The following SPTA1 variants were observed in gnomAD, a reference collection of about 807,000 sequenced individuals.
SPTA1 encodes spectrin alpha, erythrocytic 1, also known as spectrin alpha chain, erythrocytic 1.
Under a neutral mutation model 324.7 loss-of-function variants are expected in SPTA1, and 177 were observed. The ratio of observed to expected loss-of-function variants is 0.55; its 90% CI spans 0.48 to 0.62. SPTA1 has a LOEUF of 0.62. Among genes scored for constraint, SPTA1 ranks in the 20% least tolerant of loss-of-function variants. The probability of loss-of-function intolerance (pLI) is 0.00; values close to 1 mark genes in which losing one functional copy is unlikely to be tolerated. For synonymous variants in SPTA1, 1,195 were observed against 1,041.3 expected (o/e 1.15, Z -2.84); for missense variants, 3,162 against 2,883.6 (o/e 1.10, Z -2.21).
intron 7 of SPTA1, 73 bp downstream of exon 7, chr1:158,677,617 G>T: frequency 6.3e-7 from 1 of 1,577,450 alleles, no homozygotes; most frequent in South Asian, 1.1e-5. Context: ...CTGGAGGCAC[G>T]GTAATAGGCA....
In SPTA1 at chr1:158,612,843, A is replaced by G; in HGVS notation, c.7108T>C (p.Tyr2370His). The G allele has an allele frequency of 6.2e-7, 1 of 1,613,952 alleles. No individual in the cohort carries two copies. Among genetic ancestry groups the G allele is most frequent in the African/African-American group, 1.3e-5 (1 of 75,042 alleles). Reference sequence around the variant, plus strand: ...TGCTTCATGTCTTCTTTGGTAATATATGACTTGCCCTCTGCCAGGGCTTGG... The same window carrying G: ...TGCTTCATGTCTTCTTTGGTAATATGTGACTTGCCCTCTGCCAGGGCTTGG... Reference protein sequence around the residue: ...AFQALAEGKSYITKEDMKQAL... With the variant: ...AFQALAEGKSHITKEDMKQAL... Residue 2370 changes from tyrosine (Y) to histidine (H), a missense_variant, in exon 51 of 52, where the codon TAT becomes CAT. Tyr to His is a moderately conservative substitution (Grantham distance 83). Coordinates refer to ENST00000643759, the MANE Select transcript of SPTA1 (RefSeq NM_003126.4).
intron 39 of SPTA1, among the ~76,000 whole-genome samples, chr1:158,629,187 C>CTATCTATCTA (rs1553225657): frequency 1.5e-3 from 229 of 148,248 alleles, no homozygotes; most frequent in South Asian, 2.6e-3. Flanking sequence ...CAAAATATAT[C>CTATCTATCTA]TCTATCTATC....
chr1:158,647,607 C>T lies in SPTA1; in HGVS notation c.3828G>A (p.Gly1276=), dbSNP rs372838864. The T allele has an allele frequency of 1.2e-5, 19 of 1,613,804 alleles. No homozygotes were observed. The highest frequency in any genetic ancestry group is 1.2e-4 in the Admixed American group (7 of 59,970). ...GGCTCTCCTTACGATCCTTTGTACG[C>T]CCCTGCAGGTCTTCCCAGGCCTCAT... is the stretch of plus-strand genomic sequence containing the variant. ...ELNEAWEDLQ[G]RTKDRKESLN... The change falls in exon 27 of 52, where the codon GGG becomes GGA. Residue 1276 remains glycine, a synonymous_variant. Transcript: ENST00000643759.
At chr1:158,644,135 T>G (rs1275817935) in intron 30 of SPTA1, 118 bp downstream of exon 30, 2 of 1,256,684 alleles carry the variant, frequency 1.6e-6, no homozygotes, top group Non-Finnish European at 2.2e-6. Flanking sequence ...AGACTCCATC[T>G]CAAAAAAAAA....
intron 40 of SPTA1, 44 bp from the exon 41 acceptor site, chr1:158,627,051 T>G: frequency 3.7e-6 from 6 of 1,610,170 alleles, no homozygotes; most frequent in Non-Finnish European, 4.2e-6. Context: ...TGTGCAGGGC[T>G]GGAAATGTGA....
chr1:158,658,245 C>T (rs1652965912), intron 18 of SPTA1, among the ~76,000 whole-genome samples: 1 of 152,242 alleles, frequency 6.6e-6, no homozygotes, highest in African/African-American at 2.4e-5. Context: ...GATAGAACCA[C>T]CAGTCACACT....
In SPTA1 at chr1:158,649,838, T is replaced by C. The variant is rs1399170212; in HGVS notation, c.3569+18A>G. ...TGGGTTTTAAAGCAGCACTGCTTTT[T>C]AGAGTTATAATTATTACCTGTGAAA... On this transcript the variant is annotated intron_variant, in intron 25 of 51. Transcript: ENST00000643759. The C allele has an allele frequency of 6.2e-7, 1 of 1,603,498 alleles. No individual in the cohort carries two copies. The highest frequency in any genetic ancestry group is 2.2e-5 in the East Asian group (1 of 44,806).
chr1:158,614,175 T>G (rs1649417706), intron 49 of SPTA1, 78 bp downstream of exon 49: 1 of 1,169,216 alleles, frequency 8.6e-7, no homozygotes, highest in Admixed American at 1.8e-5. Flanking sequence ...CCTCACAGAG[T>G]GAGAGAAACA....
Position 158,672,209 on chromosome 1 carries a change from G to A in SPTA1, c.1351-13C>T, listed in dbSNP as rs1312501350. Reference sequence around the variant, plus strand: ...CAAGTATTTCCATCTTTGGAAAGAAGGAGATAATGTATATGGAAGATAATT... The same window carrying A: ...CAAGTATTTCCATCTTTGGAAAGAAAGAGATAATGTATATGGAAGATAATT... On this transcript the variant is annotated splice_polypyrimidine_tract_variant and intron_variant, in intron 10 of 51. Coordinates refer to ENST00000643759, the MANE Select transcript of SPTA1 (RefSeq NM_003126.4). 6.2e-7 allele frequency: 1 copy of A among 1,612,154 alleles called. No individual in the cohort carries two copies. The highest frequency in any genetic ancestry group is 1.7e-5 in the Admixed American group (1 of 59,888).
chr1:158,673,596 G>T lies in SPTA1; in HGVS notation c.1350+733C>A, dbSNP rs12739722. Among the ~76,000 whole-genome samples the T allele has an allele frequency of 8.9e-3, 1,349 of 152,342 alleles. 12 individuals carry two copies. The highest frequency in any genetic ancestry group is 0.013 in the Non-Finnish European group (883 of 68,034). ...GATTGTATAGAGGAAAGAAGAACAT[G>T]CACAGATGTCAACCATGTCAGATGC... On this transcript the variant is annotated intron_variant, in intron 10 of 51. Transcript: ENST00000643759.
intron 39 of SPTA1, among the ~76,000 whole-genome samples, chr1:158,634,033 T>G (rs770899346): frequency 1.3e-4 from 20 of 152,198 alleles, no homozygotes; most frequent in Non-Finnish European, 2.8e-4. Flanking sequence ...AAGATCACAC[T>G]GATTAATTGT....
intron 37 of SPTA1, 115 bp from the exon 38 acceptor site, chr1:158,636,149 C>A: frequency 6.4e-7 from 1 of 1,571,482 alleles, no homozygotes. Context: ...ATAAACTCCA[C>A]GGGACTTTGT....
rs755630903 is a variant in SPTA1, at chr1:158,657,611, G to A, written c.2671C>T (p.Arg891Ter). 19 of 1,613,896 alleles carry A rather than the reference G, an allele frequency of 1.2e-5. No homozygotes were observed. The highest frequency in any genetic ancestry group is 6.7e-5 in the East Asian group (3 of 44,876). The change falls in exon 19 of 52, where the codon CGA becomes TGA. Residue 891 changes from arginine to a stop codon, truncating the protein, a stop_gained. Transcript: ENST00000643759. LOFTEE classifies it high-confidence loss of function. ...ACATTGGCTTCAAGATCATTTTGTC[G>A]CCTAGCAGCTCGAGCACGGAGAGAC... ...MESLRARAAR[R>*]QNDLEANVQF...
chr1:158,656,340 C>T (rs2101873857), intron 20 of SPTA1, among the ~76,000 whole-genome samples: 1 of 152,258 alleles, frequency 6.6e-6, no homozygotes, highest in Middle Eastern at 3.4e-3. Flanking sequence ...GCCAAAAATA[C>T]ATCAATGAAG....
intron 42 of SPTA1, among the ~76,000 whole-genome samples, chr1:158,625,181 A>C (rs566751382): frequency 6.6e-6 from 1 of 152,248 alleles, no homozygotes; most frequent in African/African-American, 2.4e-5. Flanking sequence ...AAAAACCCTA[A>C]AAAGTGGAAA....
chr1:158,658,270 G>C (rs889915084), intron 18 of SPTA1, among the ~76,000 whole-genome samples: 3 of 152,168 alleles, frequency 2.0e-5, no homozygotes, highest in African/African-American at 7.2e-5. Flanking sequence ...TGAGGACACA[G>C]AGATCAACAT....
In SPTA1 at chr1:158,611,151, A is replaced by G; in HGVS notation, c.*113T>C. The G allele has an allele frequency of 7.7e-7, 1 of 1,302,852 alleles. No individual in the cohort carries two copies. Among genetic ancestry groups the G allele is most frequent in the South Asian group, 1.2e-5 (1 of 82,498 alleles). The allele number at this position is 1,302,852 out of a possible 1,614,324, so 80.7% of individuals were successfully genotyped here. ...CACAAGCACACACACACACACACAC[A>G]CACACACACACACACGAGGCCATCT... On this transcript the variant is annotated 3_prime_UTR_variant, in exon 52 of 52. Coordinates refer to ENST00000643759, the MANE Select transcript of SPTA1 (RefSeq NM_003126.4).
At position 158,623,081 on chromosome 1, in the gene SPTA1, C is replaced by T. The variant is rs755159500; in HGVS notation, c.6022G>A (p.Glu2008Lys). 8 of 1,614,050 alleles carry T rather than the reference C, an allele frequency of 5.0e-6. No individual in the cohort carries two copies. Among genetic ancestry groups the T allele is most frequent in the Middle Eastern group, 1.6e-4 (1 of 6,082 alleles). The change falls in exon 43 of 52, where the codon GAG becomes AAG. Residue 2008 changes from glutamate to lysine, a missense_variant. Coordinates refer to ENST00000643759, the MANE Select transcript of SPTA1 (RefSeq NM_003126.4). ...AQHNQSKAIE[E>K]RYAALLKRWE... ...CGCTTCAGCAGAGCGGCATAACGCT[C>T]TTCAATGGCTTTAGACTGGTTGTGT...
Position 158,622,999 on chromosome 1 carries a change from T to G in SPTA1, c.6104A>C (p.Gln2035Pro), listed in dbSNP as rs752596729. 2 of 1,614,086 alleles carry G rather than the reference T, an allele frequency of 1.2e-6. No individual in the cohort carries two copies. Among genetic ancestry groups the G allele is most frequent in the African/African-American group, 2.7e-5 (2 of 74,944 alleles). ...AVHRQKLLEK[Q>P]LPLQKAEDLF... ...TTTTTAAACCTTCTGTAGAGGCAGC[T>G]GTTTCTCCAGCAATTTCTGTCTGTG... The change falls in exon 43 of 52, where the codon CAG (glutamine) becomes CCG (proline). Residue 2035 changes from glutamine (Q) to proline (P), a missense_variant. Transcript: ENST00000643759.
Sources: gnomAD v4.1 joint callset for allele counts (sites outside exome capture counted in the v4.1 genomes callset) on GRCh38, gnomAD v4.1.1 for gene constraint, MANE v1.5 for transcripts, NCBI Gene and HGNC (gene_info 2026-07-23, HGNC 2026-07-21) for gene names.